Variants in LINGO1 observed in about 807,000 individuals in gnomAD.
LINGO1 encodes the protein leucine rich repeat and Ig domain containing 1.
LINGO1 carries 11 observed loss-of-function variants against 37.3 expected under a neutral mutation model. That is an observed-to-expected ratio of 0.29 (90% CI 0.19 to 0.49). The LOEUF is 0.49. Ranked by LOEUF, LINGO1 falls within the 20% of genes least tolerant of loss-of-function variation. LINGO1 has a pLI of 0.99. For missense variants in LINGO1, 585 were observed against 878.2 expected (o/e 0.67, Z 4.22); for synonymous variants, 387 against 403.0 (o/e 0.96, Z 0.48).
At chr15:77,680,654 T>C (rs371838146) in intron 2 of LINGO1, among the ~76,000 whole-genome samples, 4 of 151,650 alleles carry the variant, frequency 2.6e-5, no homozygotes, top group East Asian at 3.9e-4. Flanking sequence ...TCCATGAGAG[T>C]TGGGGCCTAC....
intron 1 of LINGO1, among the ~76,000 whole-genome samples, chr15:77,761,720 C>G (rs1411312959): frequency 6.6e-6 from 1 of 152,230 alleles, no homozygotes; most frequent in Non-Finnish European, 1.5e-5. Context: ...AAGGCAGCTT[C>G]TCAGCTTCAG....
In LINGO1 at chr15:77,738,578, C is replaced by G. The variant is rs544906020; in HGVS notation, c.-256-3525G>C. Among the ~76,000 whole-genome samples, 7 of 152,320 alleles carry G rather than the reference C, an allele frequency of 4.6e-5. No homozygotes were observed. In the South Asian group the frequency reaches 1.5e-3, roughly 32 times the overall value. On this transcript the variant is annotated intron_variant, in intron 1 of 3. Transcript: ENST00000561686. Reference sequence around the variant, plus strand: ...CCAATTTTCTAAGCATTTCCTCCGCCTGACATTATATTGTCTATTTATGTG... The same window carrying G: ...CCAATTTTCTAAGCATTTCCTCCGCGTGACATTATATTGTCTATTTATGTG...
At chr15:77,724,029 C>A (rs1054768008) in intron 2 of LINGO1, among the ~76,000 whole-genome samples, 1 of 152,198 alleles carries the variant, frequency 6.6e-6, no homozygotes, top group Non-Finnish European at 1.5e-5. Context: ...AATAGCCGGG[C>A]GTGCGTGTCT....
rs2073568466 is a variant in LINGO1 at position 77,613,276 on chromosome 15, C to T, written c.*768G>A. On this transcript the variant is annotated 3_prime_UTR_variant, in exon 2 of 2. Transcript: ENST00000355300. ...GCTCTCTCCACTGACTGTGCTGTCCCCCAGGAGGACCCCAGCCTCTGTCCA... is the reference window on the plus strand; with the variant it reads ...GCTCTCTCCACTGACTGTGCTGTCCTCCAGGAGGACCCCAGCCTCTGTCCA... The T allele has an allele frequency of 6.6e-6, 1 of 152,292 alleles. No individual in the cohort carries two copies. Among genetic ancestry groups the T allele is most frequent in the African/African-American group, 2.4e-5 (1 of 41,452 alleles). The allele number at this position is 152,292 out of a possible 1,614,324, so 9.4% of individuals were successfully genotyped here.
At chr15:77,739,333 G>A (rs1193176398) in intron 1 of LINGO1, among the ~76,000 whole-genome samples, 4 of 152,146 alleles carry the variant, frequency 2.6e-5, no homozygotes, top group Admixed American at 6.5e-5. Context: ...GAGATAACTC[G>A]ATATAATGAA....
At chr15:77,663,955 G>A (rs755826619) in intron 3 of LINGO1, among the ~76,000 whole-genome samples, 2 of 152,168 alleles carry the variant, frequency 1.3e-5, no homozygotes, top group Middle Eastern at 3.2e-3. Context: ...GGCTCCCAAG[G>A]CAGAGCCCCT....
chr15:77,704,521 G>A (rs1265036075), intron 2 of LINGO1, among the ~76,000 whole-genome samples: 1 of 140,636 alleles, frequency 7.1e-6, no homozygotes, highest in Non-Finnish European at 1.5e-5. Context: ...CTGATCACAC[G>A]CTGAGCCCCA....
At chr15:77,660,736 A>G (rs1394821111) in intron 3 of LINGO1, among the ~76,000 whole-genome samples, 2 of 152,080 alleles carry the variant, frequency 1.3e-5, no homozygotes, top group Non-Finnish European at 1.5e-5. Context: ...ACAGGCAGAG[A>G]GTGGAGGGTG....
intron 2 of LINGO1, chr15:77,720,779 G>C (rs180922343): frequency 6.6e-6 from 1 of 151,716 alleles, no homozygotes; most frequent in Non-Finnish European, 1.5e-5. Context: ...GACAACGTCC[G>C]CGTGCTCCTG....
chr15:77,670,126 C>T (rs945006245), intron 3 of LINGO1, among the ~76,000 whole-genome samples: 3 of 152,140 alleles, frequency 2.0e-5, no homozygotes, highest in Non-Finnish European at 4.4e-5. Flanking sequence ...GATTCCATTT[C>T]TATGAAATGT....
intron 2 of LINGO1, among the ~76,000 whole-genome samples, chr15:77,793,250 G>A (rs2076832097): frequency 6.6e-6 from 1 of 152,168 alleles, no homozygotes; most frequent in Admixed American, 6.5e-5. Context: ...ACCACTGAGG[G>A]AGGGAGAGGT....
In LINGO1 at chr15:77,623,124, G is replaced by A. The variant is rs116350026; in HGVS notation, c.7-7224C>T. Among the ~76,000 whole-genome samples the A allele has an allele frequency of 4.0e-3, 613 of 152,354 alleles. 3 individuals carry two copies. The highest frequency in any genetic ancestry group is 0.012 in the African/African-American group (512 of 41,582). ...ACAAATGCTGCGAGGGGCAGGACTC[G>A]CACTCTGCTCTCCAACTCCCAACCT... On this transcript the variant is annotated intron_variant, in intron 1 of 1. Transcript: ENST00000355300.
intron 1 of LINGO1, among the ~76,000 whole-genome samples, chr15:77,629,727 A>G (rs2074197436): frequency 6.6e-6 from 1 of 152,186 alleles, no homozygotes; most frequent in Non-Finnish European, 1.5e-5. Context: ...GGCAAAAGGA[A>G]GGGTACTAGG....
intron 2 of LINGO1, among the ~76,000 whole-genome samples, chr15:77,686,446 C>T (rs893290676): frequency 3.3e-5 from 5 of 152,238 alleles, no homozygotes; most frequent in African/African-American, 4.8e-5. Context: ...AGGCAAGACC[C>T]GGGAACATGC....
At chr15:77,668,617 G>T (rs1278033389) in intron 3 of LINGO1, among the ~76,000 whole-genome samples, 3 of 152,064 alleles carry the variant, frequency 2.0e-5, no homozygotes, top group Admixed American at 2.0e-4. Context: ...CGACGCATGC[G>T]CAGGAATACA....
intron 3 of LINGO1, among the ~76,000 whole-genome samples, chr15:77,664,170 T>TGTGCACGCGCGCGC: frequency 7.6e-6 from 1 of 130,946 alleles, no homozygotes; most frequent in African/African-American, 3.7e-5. Flanking sequence ...TGTGTGTGTG[T>TGTGCACGCGCGCGC]GCGCGCGCGC....
chr15:77,720,766 C>T lies in LINGO1; in HGVS notation c.-195+14226G>A, dbSNP rs1046814248. On this transcript the variant is annotated intron_variant, in intron 2 of 3. Coordinates refer to the LINGO1 transcript ENST00000561686. ...GATCTCAGAGTGGAGACCAGGCAGA[C>T]GTGACAACGTCCGCGTGCTCCTGTG... The T allele has an allele frequency of 3.3e-5, 5 of 152,022 alleles. No homozygotes were observed. In the East Asian group the frequency reaches 7.8e-4, roughly 24 times the overall value. 9.4% of individuals were successfully genotyped at this position (152,022 alleles called of 1,614,324 possible). A position where few individuals can be genotyped will look rare whatever the true frequency, so the allele number is the denominator to read the frequency against.
At chr15:77,709,065 A>G (rs79811224) in intron 2 of LINGO1, among the ~76,000 whole-genome samples, 319 of 152,322 alleles carry the variant, frequency 2.1e-3, no homozygotes, top group African/African-American at 7.5e-3. Flanking sequence ...CCTCTCCTAG[A>G]GCCCTGAGAG....
intron 1 of LINGO1, among the ~76,000 whole-genome samples, chr15:77,771,126 A>G (rs1027075466): frequency 9.2e-5 from 14 of 152,324 alleles, no homozygotes; most frequent in African/African-American, 3.1e-4. Flanking sequence ...TTCTCGAGGG[A>G]GAGTTGAACC....
Sources: gnomAD v4.1 joint callset for allele counts (sites outside exome capture counted in the v4.1 genomes callset) on GRCh38, gnomAD v4.1.1 for gene constraint, MANE v1.5 for transcripts, NCBI Gene and HGNC (gene_info 2026-07-23, HGNC 2026-07-21) for gene names.